The following COG5 variants were observed in gnomAD, a reference collection of about 807,000 sequenced individuals.
COG5 encodes conserved oligomeric Golgi complex subunit 5.
In COG5, 86 loss-of-function variants were observed where a neutral mutation model predicts 110.4. That is an observed-to-expected ratio of 0.78 (90% CI 0.65 to 0.93). The LOEUF (loss-of-function observed/expected upper bound fraction) is 0.93, where lower values mean the gene tolerates loss of function less well. COG5 is among the 40% of genes least tolerant of loss of function. The probability of loss-of-function intolerance (pLI) is 0.00; values close to 1 mark genes in which losing one functional copy is unlikely to be tolerated. For synonymous variants in COG5, 360 were observed against 334.6 expected (o/e 1.08, Z -0.83); for missense variants, 1,077 against 987.0 (o/e 1.09, Z -1.22).
At chr7:107,563,766 C>A in intron 1 of COG5, 37 bp downstream of exon 1, 1 of 1,611,670 alleles carries the variant, frequency 6.2e-7, no homozygotes, top group Non-Finnish European at 8.5e-7. Context: ...AGCGCAGACC[C>A]CCAACCCCAC....
At chr7:107,499,678 G>A (rs1367876279) in intron 6 of COG5, among the ~76,000 whole-genome samples, 1 of 152,052 alleles carries the variant, frequency 6.6e-6, no homozygotes, top group Non-Finnish European at 1.5e-5. Context: ...TAAGTGCTAG[G>A]AGGTGTCAGC....
At chr7:107,437,627 G>T (rs1794447428) in intron 6 of COG5, among the ~76,000 whole-genome samples, 1 of 152,004 alleles carries the variant, frequency 6.6e-6, no homozygotes, top group Non-Finnish European at 1.5e-5. Flanking sequence ...GGAAGTATAT[G>T]ATTTTAATAT....
chr7:107,493,205 C>G (rs1053395468), intron 6 of COG5, among the ~76,000 whole-genome samples: 1 of 152,148 alleles, frequency 6.6e-6, no homozygotes, highest in African/African-American at 2.4e-5. Flanking sequence ...CACGAAGGCC[C>G]ACATTGAATG....
intron 17 of COG5, among the ~76,000 whole-genome samples, chr7:107,246,995 T>C (rs562520978): frequency 6.6e-5 from 10 of 152,280 alleles, no homozygotes; most frequent in Admixed American, 5.9e-4. Context: ...ACATAGTGGA[T>C]AAAGAAATTG....
chr7:107,431,441 T>C (rs186128862), intron 6 of COG5, among the ~76,000 whole-genome samples: 4 of 152,198 alleles, frequency 2.6e-5, no homozygotes, highest in Non-Finnish European at 4.4e-5. Context: ...AGGTTATGGG[T>C]AAGGGGTGTT....
At chr7:107,563,548 G>T (rs553335952) in intron 1 of COG5, 12 of 447,140 alleles carry the variant, frequency 2.7e-5, no homozygotes, top group Admixed American at 1.1e-4. Context: ...GAGGCATGGG[G>T]GGGGGGGGGG....
chr7:107,488,227 T>C (rs1797767656), intron 6 of COG5, among the ~76,000 whole-genome samples: 1 of 151,830 alleles, frequency 6.6e-6, no homozygotes, highest in Non-Finnish European at 1.5e-5. Context: ...TGTTACATTT[T>C]GGGTCCATAC....
intron 6 of COG5, chr7:107,472,053 T>G (rs1796664900): frequency 6.6e-6 from 1 of 152,020 alleles, no homozygotes; most frequent in Non-Finnish European, 1.5e-5. Context: ...CTTTTTTGTT[T>G]TCACATATTC....
intron 6 of COG5, among the ~76,000 whole-genome samples, chr7:107,488,951 G>GA (rs749195027): frequency 2.0e-5 from 3 of 152,014 alleles, no homozygotes; most frequent in Non-Finnish European, 2.9e-5. Flanking sequence ...TCACATATAT[G>GA]AAACCTGTCA....
intron 11 of COG5, among the ~76,000 whole-genome samples, chr7:107,299,190 G>T (rs1416596889): frequency 6.6e-6 from 1 of 152,044 alleles, no homozygotes. Context: ...TCTGAGAACA[G>T]ATATCAATGA....
intron 11 of COG5, among the ~76,000 whole-genome samples, chr7:107,319,260 T>C (rs1311528608): frequency 6.6e-6 from 1 of 152,222 alleles, no homozygotes; most frequent in Non-Finnish European, 1.5e-5. Flanking sequence ...TAAGAAGTGT[T>C]TTAAAATTCC....
intron 14 of COG5, among the ~76,000 whole-genome samples, chr7:107,277,858 C>A (rs573813775): frequency 6.6e-6 from 1 of 151,912 alleles, no homozygotes; most frequent in African/African-American, 2.4e-5. Context: ...AACAGAAAAG[C>A]CTTAGGGAAA....
intron 8 of COG5, among the ~76,000 whole-genome samples, chr7:107,369,625 G>T (rs1813947052): frequency 6.6e-6 from 1 of 152,060 alleles, no homozygotes. Context: ...TTGACCTCAA[G>T]TGATCTGCCC....
intron 21 of COG5, chr7:107,210,249 C>T: frequency 7.8e-7 from 1 of 1,285,966 alleles, no homozygotes. Flanking sequence ...TGATGATTTT[C>T]AAAGGTACAA....
chr7:107,445,168 T>C (rs1023009995), intron 6 of COG5, among the ~76,000 whole-genome samples: 1 of 151,728 alleles, frequency 6.6e-6, no homozygotes, highest in African/African-American at 2.4e-5. Context: ...GCCACTGCAC[T>C]CCAGCCTGGG....
intron 6 of COG5, among the ~76,000 whole-genome samples, chr7:107,522,184 C>G (rs1020502209): frequency 6.6e-6 from 1 of 152,104 alleles, no homozygotes; most frequent in Non-Finnish European, 1.5e-5. Context: ...GGCTTAAAAC[C>G]TAGGCCAGGC....
chr7:107,404,370 G>T (rs1208724223), intron 7 of COG5, among the ~76,000 whole-genome samples: 1 of 152,130 alleles, frequency 6.6e-6, no homozygotes, highest in Admixed American at 6.5e-5. Flanking sequence ...AATCATTCAT[G>T]AATGCAATAG....
At chr7:107,370,561 G>T (rs552341054) in intron 8 of COG5, among the ~76,000 whole-genome samples, 1 of 151,708 alleles carries the variant, frequency 6.6e-6, no homozygotes, top group Admixed American at 6.6e-5. Context: ...CGAGGTGGGC[G>T]GATCACCTGA....
chr7:107,561,495 A>T (rs182711357), intron 1 of COG5, among the ~76,000 whole-genome samples: 11 of 152,368 alleles, frequency 7.2e-5, no homozygotes, highest in Non-Finnish European at 1.0e-4. Context: ...TGAGGAAAGT[A>T]TTTCAAGAAA....
Sources: allele counts gnomAD v4.1 joint callset (sites outside exome capture counted in the v4.1 genomes callset), GRCh38; gene constraint gnomAD v4.1.1; transcripts MANE v1.5; gene names NCBI Gene and HGNC (gene_info 2026-07-23, HGNC 2026-07-21).